MAPK8: variants seen among roughly 807,000 people sequenced by gnomAD.
The protein encoded by MAPK8 is mitogen-activated protein kinase 8.
In MAPK8, 13 loss-of-function variants were observed where a neutral mutation model predicts 52.9. The ratio of observed to expected loss-of-function variants is 0.25; its 90% CI spans 0.16 to 0.39. The LOEUF is 0.39. Among genes scored for constraint, MAPK8 ranks in the 10% least tolerant of loss-of-function variants. MAPK8 has a pLI of 1.00. For synonymous variants in MAPK8, 191 were observed against 169.8 expected, an observed-to-expected ratio of 1.12 and a Z score of -0.97; for missense variants, 300 against 519.2, an observed-to-expected ratio of 0.58 and a Z score of 4.10.
chr10:48,393,858 T>TA (rs2041752711), intron 1 of MAPK8, among the ~76,000 whole-genome samples: 1 of 151,950 alleles, frequency 6.6e-6, no homozygotes, highest in Admixed American at 6.6e-5. Context: ...TATAAAAGTG[T>TA]AAAACATTAG....
intron 1 of MAPK8, among the ~76,000 whole-genome samples, chr10:48,372,167 G>A (rs919406912): frequency 6.6e-6 from 1 of 152,088 alleles, no homozygotes; most frequent in African/African-American, 2.4e-5. Context: ...AGAGGTTGGA[G>A]TAGGACCGAA....
At chr10:48,317,179 A>G (rs1244803529) in intron 1 of MAPK8, among the ~76,000 whole-genome samples, 1 of 151,874 alleles carries the variant, frequency 6.6e-6, no homozygotes, top group Admixed American at 6.6e-5. Flanking sequence ...ACAATGAATG[A>G]TTTTTCTTTT....
intron 1 of MAPK8, among the ~76,000 whole-genome samples, chr10:48,373,360 T>A (rs1306353193): frequency 6.6e-6 from 1 of 151,914 alleles, no homozygotes; most frequent in African/African-American, 2.4e-5. Context: ...AGCATCATAA[T>A]GACAGGATCA....
intron 1 of MAPK8, among the ~76,000 whole-genome samples, chr10:48,390,395 T>C (rs1197574162): frequency 1.3e-5 from 2 of 152,212 alleles, no homozygotes; most frequent in African/African-American, 4.8e-5. Flanking sequence ...GATAGGTCTA[T>C]TGGTAGCCAA....
At chr10:48,372,651 A>T (rs1370517227) in intron 1 of MAPK8, among the ~76,000 whole-genome samples, 1 of 152,078 alleles carries the variant, frequency 6.6e-6, no homozygotes, top group Non-Finnish European at 1.5e-5. Context: ...TCAATGAAAT[A>T]AAGTAAGAAG....
intron 1 of MAPK8, among the ~76,000 whole-genome samples, chr10:48,376,947 G>A (rs1461164681): frequency 6.6e-6 from 1 of 152,162 alleles, no homozygotes; most frequent in East Asian, 1.9e-4. Context: ...GTCCACAATA[G>A]CAATGACTGG....
chr10:48,400,427 C>T (rs977568748), intron 1 of MAPK8, among the ~76,000 whole-genome samples: 1 of 152,240 alleles, frequency 6.6e-6, no homozygotes, highest in South Asian at 2.1e-4. Flanking sequence ...TTCATTGTTT[C>T]TCTTTCATCT....
chr10:48,403,478 G>A (rs2042267291), intron 2 of MAPK8, among the ~76,000 whole-genome samples: 1 of 151,548 alleles, frequency 6.6e-6, no homozygotes, highest in Non-Finnish European at 1.5e-5. Context: ...AAAAATCAGA[G>A]CAATTATGGT....
chr10:48,423,239 T>G (rs1448779865), intron 6 of MAPK8, among the ~76,000 whole-genome samples: 1 of 152,188 alleles, frequency 6.6e-6, no homozygotes, highest in Non-Finnish European at 1.5e-5. Flanking sequence ...GGGATTCCCA[T>G]TTACAGTTGG....
At chr10:48,380,085 T>C (rs1301202320) in intron 1 of MAPK8, among the ~76,000 whole-genome samples, 1 of 150,844 alleles carries the variant, frequency 6.6e-6, no homozygotes, top group Non-Finnish European at 1.5e-5. Context: ...TTAATAAAAA[T>C]ACAAAAATTA....
chr10:48,371,785 TCTGA>T (rs1276203035), intron 1 of MAPK8, among the ~76,000 whole-genome samples: 2 of 152,134 alleles, frequency 1.3e-5, no homozygotes, highest in African/African-American at 4.8e-5. Context: ...TAGCCTTGTG[TCTGA>T]CTGAATAGCT....
chr10:48,413,815 T>TTACATATA (rs1554832943), intron 5 of MAPK8, among the ~76,000 whole-genome samples: 3 of 48,378 alleles, frequency 6.2e-5, no homozygotes, highest in Non-Finnish European at 1.3e-4. Context: ...GCCAGAATTG[T>TTACATATA]TATATATATA....
At chr10:48,336,475 T>C (rs1464818645) in intron 1 of MAPK8, among the ~76,000 whole-genome samples, 2 of 152,184 alleles carry the variant, frequency 1.3e-5, no homozygotes, top group African/African-American at 4.8e-5. Flanking sequence ...TTAAGAGTTT[T>C]GGAATGTCTG....
chr10:48,427,055 GTTA>G (rs981965640), intron 9 of MAPK8, 22 bp from the exon 10 acceptor site: 2 of 1,593,012 alleles, frequency 1.3e-6, no homozygotes, highest in Non-Finnish European at 1.7e-6. Flanking sequence ...TACTGACTTG[GTTA>G]TTATTGCCTT....
At chr10:48,409,353 A>C (rs559717457) in intron 3 of MAPK8, among the ~76,000 whole-genome samples, 32 of 152,304 alleles carry the variant, frequency 2.1e-4, no homozygotes, top group South Asian at 2.1e-4. Flanking sequence ...GTAGGAATGA[A>C]AATGAATTCA....
At chr10:48,388,711 A>G (rs544859892) in intron 1 of MAPK8, among the ~76,000 whole-genome samples, 2 of 152,260 alleles carry the variant, frequency 1.3e-5, no homozygotes, top group South Asian at 4.1e-4. Context: ...CCAGGTGAGA[A>G]TGGGAGTAAA....
intron 1 of MAPK8, among the ~76,000 whole-genome samples, chr10:48,333,752 A>C (rs987675063): frequency 6.6e-6 from 1 of 152,268 alleles, no homozygotes; most frequent in Admixed American, 6.5e-5. Flanking sequence ...TAGGGGCAGG[A>C]AAGGGGAGCC....
chr10:48,401,367 G>A (rs1254420445), intron 1 of MAPK8, among the ~76,000 whole-genome samples: 1 of 151,874 alleles, frequency 6.6e-6, no homozygotes, highest in Non-Finnish European at 1.5e-5. Context: ...TATTAATACT[G>A]GTAACTTCTA....
At chr10:48,400,416 C>G (rs1334801093) in intron 1 of MAPK8, among the ~76,000 whole-genome samples, 1 of 152,124 alleles carries the variant, frequency 6.6e-6, no homozygotes, top group Admixed American at 6.6e-5. Context: ...GCCTAAGACT[C>G]TTCATTGTTT....
Sources: gnomAD v4.1 joint callset for allele counts (sites outside exome capture counted in the v4.1 genomes callset) on GRCh38, gnomAD v4.1.1 for gene constraint, MANE v1.5 for transcripts, NCBI Gene and HGNC (gene_info 2026-07-23, HGNC 2026-07-21) for gene names.